The following TRIP12 variants were observed in gnomAD, a reference collection of about 807,000 sequenced individuals.
TRIP12 encodes the protein E3 ubiquitin-protein ligase TRIP12.
Under a neutral mutation model 244.2 loss-of-function variants are expected in TRIP12, and 25 were observed. The ratio of observed to expected loss-of-function variants is 0.10; its 90% CI spans 0.07 to 0.14. The LOEUF (loss-of-function observed/expected upper bound fraction) is 0.14. TRIP12 is among the 10% of genes least tolerant of loss of function. The pLI is 1.00. For missense variants in TRIP12, 1,677 were observed against 2,486.4 expected, an observed-to-expected ratio of 0.67 and a Z score of 6.92; for synonymous variants, 905 against 873.1, an observed-to-expected ratio of 1.04 and a Z score of -0.64.
intron 39 of TRIP12, among the ~76,000 whole-genome samples, chr2:229,770,244 T>C (rs571306629): frequency 6.6e-6 from 1 of 152,300 alleles, no homozygotes; most frequent in South Asian, 2.1e-4. Flanking sequence ...GCTGGGATTA[T>C]AGGCTAAGTC....
chr2:229,915,707 AT>A (rs970916942), intron 1 of TRIP12, among the ~76,000 whole-genome samples: 5 of 121,414 alleles, frequency 4.1e-5, no homozygotes, highest in Admixed American at 8.1e-5. Flanking sequence ...AAAAAAAAAA[AT>A]TTTTTGAGAC....
rs76531536 is a variant in TRIP12, at chr2:229,809,282, G to T, written c.2222-913C>A. The stretch of plus-strand genomic sequence containing the variant: ...ACTTTATAGAGAAGTTTGAATACAT[G>T]GTATGCTGCATTATAAGGATTTTAT... On this transcript the variant is annotated intron_variant, in intron 15 of 41. Coordinates refer to ENST00000675903, the MANE Select transcript of TRIP12 (RefSeq NM_001348323.3). Among the ~76,000 whole-genome samples, 924 of 151,994 alleles carry T rather than the reference G, an allele frequency of 6.1e-3. 7 individuals are homozygous for T. Among genetic ancestry groups the T allele is most frequent in the African/African-American group, 0.021 (869 of 41,442 alleles).
upstream of TRIP12, chr2:229,922,347 G>A: frequency 1.5e-6 from 1 of 646,618 alleles, no homozygotes; most frequent in Admixed American, 2.9e-5. Flanking sequence ...AAATTTCACG[G>A]ATCAGGGTTC....
intron 1 of TRIP12, among the ~76,000 whole-genome samples, chr2:229,881,878 A>G (rs1319398802): frequency 6.6e-6 from 1 of 152,118 alleles, no homozygotes. Flanking sequence ...GCCTTTGAGA[A>G]AGGACTGGGG....
chr2:229,813,642 G>A (rs1184850653), intron 13 of TRIP12, among the ~76,000 whole-genome samples: 2 of 151,940 alleles, frequency 1.3e-5, no homozygotes, highest in African/African-American at 4.8e-5. Context: ...AAATGAGCTG[G>A]GTGTGGTGGC....
At chr2:229,814,748 G>T (rs932790315) in intron 11 of TRIP12, among the ~76,000 whole-genome samples, 9 of 152,126 alleles carry the variant, frequency 5.9e-5, no homozygotes, top group Admixed American at 3.9e-4. Flanking sequence ...GAAACCATAT[G>T]AAAATTTCTA....
intron 2 of TRIP12, among the ~76,000 whole-genome samples, chr2:229,874,990 T>C (rs893721831): frequency 2.0e-5 from 3 of 152,142 alleles, no homozygotes; most frequent in African/African-American, 4.8e-5. Flanking sequence ...AGCCTACAAA[T>C]ACCTGTGCTA....
chr2:229,772,469 T>A (rs2034725984), intron 38 of TRIP12, among the ~76,000 whole-genome samples: 1 of 152,090 alleles, frequency 6.6e-6, no homozygotes, highest in South Asian at 2.1e-4. Context: ...CTCTGGTTAT[T>A]ATTATTATTT....
At chr2:229,819,661 T>C (rs1419969804) in intron 8 of TRIP12, among the ~76,000 whole-genome samples, 7 of 152,238 alleles carry the variant, frequency 4.6e-5, no homozygotes, top group Admixed American at 1.3e-4. Flanking sequence ...TCTTATATGA[T>C]GTTACTTTTA....
intron 1 of TRIP12, chr2:229,900,621 G>C (rs1373678709): frequency 6.6e-6 from 1 of 152,106 alleles, no homozygotes; most frequent in East Asian, 1.9e-4. Context: ...CCAGCAATTG[G>C]GAGGCCAGCA....
At chr2:229,863,378 CCTAT>C (rs139142893) in intron 2 of TRIP12, among the ~76,000 whole-genome samples, 2,851 of 152,122 alleles carry the variant, frequency 0.019, 56 homozygotes, top group African/African-American at 0.053. Context: ...GTCCCTTCTG[CCTAT>C]CTGTTTAGCC....
intron 6 of TRIP12, among the ~76,000 whole-genome samples, chr2:229,831,924 T>C (rs1202854714): frequency 7.0e-6 from 1 of 142,748 alleles, no homozygotes; most frequent in African/African-American, 2.6e-5. Context: ...TTGATCTACA[T>C]AAGCTCTTCC....
chr2:229,922,590 T>A (rs755046970), upstream of TRIP12: 2 of 1,613,924 alleles, frequency 1.2e-6, no homozygotes, highest in African/African-American at 2.7e-5. Flanking sequence ...TATTACCAGT[T>A]ACTGGTCACC....
intron 2 of TRIP12, among the ~76,000 whole-genome samples, chr2:229,863,995 T>C (rs2060902293): frequency 8.4e-6 from 1 of 118,380 alleles, no homozygotes; most frequent in African/African-American, 2.9e-5. Flanking sequence ...AGCCCAAAGA[T>C]TTGGGTGAAA....
intron 39 of TRIP12, 87 bp from the exon 40 acceptor site, chr2:229,769,412 GAGTATC>G (rs2154228240): frequency 8.4e-7 from 1 of 1,185,276 alleles, no homozygotes; most frequent in Non-Finnish European, 1.2e-6. Flanking sequence ...TACCATAAAA[GAGTATC>G]AGTCTCAGTA....
chr2:229,906,083 T>C (rs763340966), intron 1 of TRIP12, among the ~76,000 whole-genome samples: 3 of 152,116 alleles, frequency 2.0e-5, no homozygotes, highest in Admixed American at 1.3e-4. Context: ...GGTGGGCAGA[T>C]TACCTGAGGT....
rs1157897557 is a variant in TRIP12, at chr2:229,818,273, TTAA to T, written c.1599+88_1599+90del. ...TCTTAACTCTATCATGTTTTAAAAA[TTAA>T]TAATGACAATAATCATACATTCAGT... On this transcript the variant is annotated intron_variant, in intron 9 of 41. Coordinates refer to ENST00000675903, the MANE Select transcript of TRIP12 (RefSeq NM_001348323.3). 9 of 1,362,096 alleles carry T rather than the reference TTAA, an allele frequency of 6.6e-6. No individual in the cohort carries two copies. In the South Asian group the frequency reaches 9.7e-5, roughly 15 times the overall value. 84.4% of individuals were successfully genotyped at this position (1,362,096 alleles called of 1,614,324 possible).
chr2:229,848,162 T>C (rs2057955842), intron 4 of TRIP12, among the ~76,000 whole-genome samples: 1 of 152,134 alleles, frequency 6.6e-6, no homozygotes, highest in African/African-American at 2.4e-5. Flanking sequence ...AAACAATGAA[T>C]CTCGGTCAAA....
At position 229,796,618 on chromosome 2, in the gene TRIP12, T is replaced by A; in HGVS notation, c.3789A>T (p.Arg1263=). The A allele has an allele frequency of 6.3e-7, 1 of 1,591,664 alleles. No individual in the cohort carries two copies. Among genetic ancestry groups the A allele is most frequent in the Non-Finnish European group, 8.5e-7 (1 of 1,174,162 alleles). Residue 1263 remains arginine, a synonymous_variant, in exon 25 of 42, where the codon CGA becomes CGT. Coordinates refer to ENST00000675903, the MANE Select transcript of TRIP12 (RefSeq NM_001348323.3). ...DAVSREIRLK[R]FLHVFFSSPL... ...GAGAAGAAAAAAATACATGAAGAAATCGCTTTAATCTGATCTCTCTGCTCA... is the reference window on the plus strand; with the variant it reads ...GAGAAGAAAAAAATACATGAAGAAAACGCTTTAATCTGATCTCTCTGCTCA...
Sources: allele counts gnomAD v4.1 joint callset (sites outside exome capture counted in the v4.1 genomes callset), GRCh38; gene constraint gnomAD v4.1.1; transcripts MANE v1.5; gene names NCBI Gene and HGNC (gene_info 2026-07-23, HGNC 2026-07-21).